The following PID1 variants were observed in gnomAD, a reference collection of about 807,000 sequenced individuals.
The protein encoded by PID1 is phosphotyrosine interaction domain containing 1, also known as PTB-containing, cubilin and LRP1-interacting protein.
PID1 carries 10 observed loss-of-function variants against 19.1 expected under a neutral mutation model. The ratio of observed to expected loss-of-function variants is 0.52; its 90% confidence interval spans 0.32 to 0.89. The LOEUF is 0.89. Among genes scored for constraint, PID1 ranks in the 40% least tolerant of loss-of-function variants. The probability of loss-of-function intolerance (pLI) is 0.03; values close to 1 mark genes in which losing one functional copy is unlikely to be tolerated. For missense variants in PID1, 248 were observed against 285.3 expected (o/e 0.87, Z 0.94); for synonymous variants, 130 against 116.0 (o/e 1.12, Z -0.78).
rs569549243 is a variant in PID1 at position 229,115,490 on chromosome 2, T to C, written c.177+40328A>G. ...ACAAAAGAAGAAGAAGAAGGTTCTA[T>C]AGCACTAACCATAAAAATTTACTGT... is the stretch of plus-strand genomic sequence containing the variant. On this transcript the variant is annotated intron_variant, in intron 2 of 2. Transcript: ENST00000392055. Among the ~76,000 whole-genome samples the C allele has an allele frequency of 6.1e-4, 93 of 151,758 alleles. 1 individual carries two copies. Among genetic ancestry groups the C allele is most frequent in the African/African-American group, 2.2e-3 (90 of 41,394 alleles).
chr2:229,124,867 C>G (rs1695591247), intron 2 of PID1, among the ~76,000 whole-genome samples: 1 of 152,132 alleles, frequency 6.6e-6, no homozygotes, highest in Non-Finnish European at 1.5e-5. Context: ...GCAAAAGAAT[C>G]TTATTCACTG....
At chr2:229,046,386 G>T (rs1288227354) in intron 2 of PID1, among the ~76,000 whole-genome samples, 1 of 147,308 alleles carries the variant, frequency 6.8e-6, no homozygotes, top group Non-Finnish European at 1.5e-5. Flanking sequence ...GTGTGCGTGT[G>T]TGTGTGTGTG....
chr2:229,103,457 C>T (rs1395527450), intron 2 of PID1, among the ~76,000 whole-genome samples: 1 of 152,198 alleles, frequency 6.6e-6, no homozygotes, highest in Non-Finnish European at 1.5e-5. Flanking sequence ...CACTGACAGC[C>T]CTACTGGACT....
intron 1 of PID1, among the ~76,000 whole-genome samples, chr2:229,221,652 C>G (rs1315480825): frequency 6.6e-6 from 1 of 152,202 alleles, no homozygotes; most frequent in Non-Finnish European, 1.5e-5. Context: ...CCAATTTCAT[C>G]TACGGCCACA....
At chr2:229,167,150 TC>T (rs1690615541) in intron 1 of PID1, among the ~76,000 whole-genome samples, 1 of 152,030 alleles carries the variant, frequency 6.6e-6, no homozygotes, top group Admixed American at 6.6e-5. Context: ...ATTATCAAAA[TC>T]TAAAGTTACC....
At chr2:229,152,658 G>GA (rs568499393) in intron 2 of PID1, among the ~76,000 whole-genome samples, 24,075 of 128,422 alleles carry the variant, frequency 0.19, 2,653 homozygotes, top group East Asian at 0.41. Flanking sequence ...CTCTACTCCA[G>GA]AAAAAAAAAA....
chr2:229,067,357 A>G (rs75430443), intron 2 of PID1, among the ~76,000 whole-genome samples: 2,536 of 152,268 alleles, frequency 0.017, 62 homozygotes, highest in African/African-American at 0.054. Flanking sequence ...AATCATTACA[A>G]GAATGATAAG....
intron 2 of PID1, among the ~76,000 whole-genome samples, chr2:229,044,078 T>C (rs1693826608): frequency 6.6e-6 from 1 of 152,192 alleles, no homozygotes; most frequent in African/African-American, 2.4e-5. Flanking sequence ...TAAAGAGAAC[T>C]TTATTTTTAT....
intron 1 of PID1, among the ~76,000 whole-genome samples, chr2:229,201,036 C>T (rs1261476989): frequency 6.6e-6 from 1 of 152,020 alleles, no homozygotes; most frequent in African/African-American, 2.4e-5. Flanking sequence ...CATGTTCAAA[C>T]CAAAACTAGG....
rs1165342311 is a variant in PID1 at position 229,025,060 on chromosome 2, T to C, written c.*572A>G. On this transcript the variant is annotated 3_prime_UTR_variant, in exon 3 of 3. Transcript: ENST00000392055. Reference sequence around the variant, plus strand: ...TAAATAAAAGCATTATCTGTAACTGTGAATTAACTGCCAACTATCAGGTTG... The same window carrying C: ...TAAATAAAAGCATTATCTGTAACTGCGAATTAACTGCCAACTATCAGGTTG... The C allele has an allele frequency of 1.3e-5, 2 of 152,544 alleles. No homozygotes were observed. The highest frequency in any genetic ancestry group is 1.3e-4 in the Admixed American group (2 of 15,554). The allele number at this position is 152,544 out of a possible 1,614,324, so 9.4% of individuals were successfully genotyped here. A position where few individuals can be genotyped will look rare whatever the true frequency, so the allele number is the denominator to read the frequency against.
intron 1 of PID1, among the ~76,000 whole-genome samples, chr2:229,235,609 C>T (rs1178459350): frequency 2.6e-5 from 4 of 152,168 alleles, no homozygotes; most frequent in East Asian, 1.9e-4. Context: ...GTCACTGGAA[C>T]GCTGGCACCA....
intron 2 of PID1, among the ~76,000 whole-genome samples, chr2:229,086,335 T>C (rs1186532938): frequency 6.6e-6 from 1 of 152,128 alleles, no homozygotes; most frequent in East Asian, 1.9e-4. Flanking sequence ...TAGCCTACAA[T>C]TGAGCAAAAT....
chr2:229,129,420 A>G lies in PID1; in HGVS notation c.177+26398T>C, dbSNP rs1052947583. Among the ~76,000 whole-genome samples, 4 of 151,596 alleles carry G rather than the reference A, an allele frequency of 2.6e-5. 1 individual carries two copies. Among genetic ancestry groups the G allele is most frequent in the African/African-American group, 2.4e-5 (1 of 41,324 alleles). ...CAGAGCAAGACTCCATCTCAAAAAA[A>G]AAAAAAAAAAGAGAGAGAGAGGCTC... is the stretch of plus-strand genomic sequence containing the variant. On this transcript the variant is annotated intron_variant, in intron 2 of 2. Transcript: ENST00000392055.
chr2:229,094,404 A>C (rs979645352), intron 2 of PID1, among the ~76,000 whole-genome samples: 6 of 152,254 alleles, frequency 3.9e-5, no homozygotes, highest in Middle Eastern at 3.4e-3. Flanking sequence ...ATTCCTATCA[A>C]AATAATGTCA....
chr2:229,227,462 T>C (rs1692102780), intron 1 of PID1, among the ~76,000 whole-genome samples: 1 of 152,192 alleles, frequency 6.6e-6, no homozygotes, highest in South Asian at 2.1e-4. Context: ...CAGTACCAGC[T>C]ATCACAATTT....
intron 1 of PID1, among the ~76,000 whole-genome samples, chr2:229,181,313 G>A (rs1483644512): frequency 1.3e-5 from 2 of 152,006 alleles, no homozygotes; most frequent in African/African-American, 4.8e-5. Context: ...CGTTGTATTT[G>A]AGAACCAGCA....
intron 2 of PID1, among the ~76,000 whole-genome samples, chr2:229,080,304 C>T (rs572007653): frequency 2.0e-4 from 30 of 152,282 alleles, no homozygotes; most frequent in Non-Finnish European, 4.0e-4. Context: ...TTTGTAGCCT[C>T]ATTTTCACCC....
chr2:229,224,930 G>A (rs1692047326), intron 1 of PID1, among the ~76,000 whole-genome samples: 1 of 151,992 alleles, frequency 6.6e-6, no homozygotes, highest in Non-Finnish European at 1.5e-5. Flanking sequence ...CATCTGTAAG[G>A]TAAAGTTAAC....
intron 2 of PID1, among the ~76,000 whole-genome samples, chr2:229,042,258 C>T (rs1292598033): frequency 2.0e-5 from 3 of 151,822 alleles, no homozygotes; most frequent in Non-Finnish European, 4.4e-5. Context: ...AAAAAGAAAC[C>T]TATGTATATT....
Sources: gnomAD v4.1 joint callset for allele counts (sites outside exome capture counted in the v4.1 genomes callset) on GRCh38, gnomAD v4.1.1 for gene constraint, MANE v1.5 for transcripts, NCBI Gene and HGNC (gene_info 2026-07-23, HGNC 2026-07-21) for gene names.